The following TDRD7 variants were observed in gnomAD, a reference collection of about 807,000 sequenced individuals.
TDRD7 encodes tudor domain containing 7, also known as tudor domain-containing protein 7.
In TDRD7, 47 loss-of-function variants were observed where a neutral mutation model predicts 109.8. The observed-to-expected ratio is 0.43, with a 90% CI of 0.34 to 0.55. The LOEUF (loss-of-function observed/expected upper bound fraction) is 0.55, where lower values mean the gene tolerates loss of function less well. TDRD7 is among the 20% of genes least tolerant of loss of function. TDRD7 has a pLI of 0.03. For missense variants in TDRD7, 1,164 were observed against 1,319.2 expected, an observed-to-expected ratio of 0.88 and a Z score of 1.82; for synonymous variants, 424 against 457.3, an observed-to-expected ratio of 0.93 and a Z score of 0.93.
intron 15 of TDRD7, among the ~76,000 whole-genome samples, chr9:97,485,380 G>T (rs1829194860): frequency 6.6e-6 from 1 of 152,278 alleles, no homozygotes; most frequent in South Asian, 2.1e-4. Flanking sequence ...CTTCCCTTAA[G>T]CTATTAGTTT....
At chr9:97,472,161 T>C in intron 9 of TDRD7, 132 bp from the exon 10 acceptor site, 1 of 801,464 alleles carries the variant, frequency 1.2e-6, no homozygotes, top group Non-Finnish European at 2.0e-6. Context: ...AAAACAAAGC[T>C]TTCATATAAA....
intron 16 of TDRD7, among the ~76,000 whole-genome samples, chr9:97,488,350 T>C (rs1277670991): frequency 1.3e-5 from 2 of 152,228 alleles, no homozygotes; most frequent in African/African-American, 4.8e-5. Context: ...AAATTGTGTA[T>C]ATAGGTTCTT....
chr9:97,435,571 G>C (rs1466555885), intron 4 of TDRD7, among the ~76,000 whole-genome samples: 4 of 151,652 alleles, frequency 2.6e-5, no homozygotes, highest in Non-Finnish European at 4.4e-5. Flanking sequence ...GAGAGTTCCA[G>C]GGTACAGTGA....
In TDRD7 at chr9:97,464,443, C is replaced by T. The variant is rs553374423; in HGVS notation, c.1443-399C>T. Among the ~76,000 whole-genome samples the T allele has an allele frequency of 1.1e-4, 17 of 152,248 alleles. 1 individual carries two copies. The South Asian group carries it at 2.3e-3, about 20-fold the overall frequency. On this transcript the variant is annotated intron_variant, in intron 7 of 16. Transcript: ENST00000355295. ...TTGGCTCACTGCAACCTGCAACTTC[C>T]ACCTCCTGGGTTCAAGCGATTCTCC...
chr9:97,475,716 A>C (rs1829007176), intron 12 of TDRD7, among the ~76,000 whole-genome samples: 1 of 152,000 alleles, frequency 6.6e-6, no homozygotes, highest in African/African-American at 2.4e-5. Context: ...TTATATTCTT[A>C]CTGTATTTGT....
intron 16 of TDRD7, among the ~76,000 whole-genome samples, chr9:97,490,909 CTTT>C (rs1174656625): frequency 2.6e-5 from 2 of 77,648 alleles, no homozygotes; most frequent in Non-Finnish European, 4.7e-5. Flanking sequence ...CTTTTCTTTT[CTTT>C]TTTTTTTTTT....
chr9:97,450,146 C>T (rs1828465940), intron 6 of TDRD7, among the ~76,000 whole-genome samples: 1 of 151,646 alleles, frequency 6.6e-6, no homozygotes, highest in East Asian at 2.0e-4. Context: ...TTAATGTTAC[C>T]TGTCTCTCCT....
At chr9:97,476,369 G>T (rs192833177) in intron 12 of TDRD7, among the ~76,000 whole-genome samples, 1 of 151,784 alleles carries the variant, frequency 6.6e-6, no homozygotes, top group East Asian at 1.9e-4. Context: ...TTTATCTTGC[G>T]TTTCTATATG....
At position 97,488,558 on chromosome 9, in the gene TDRD7, T is replaced by TG. The variant is rs1180324200; in HGVS notation, c.3076+1228dup. 2.1e-4 allele frequency among the ~76,000 whole-genome samples: 10 copies of TG among 48,024 alleles called. 1 individual carries two copies. The East Asian group carries it at 8.9e-3, about 43-fold the overall frequency. 31.5% of individuals were successfully genotyped at this position (48,024 alleles called of 152,430 possible). Reference sequence around the variant, plus strand: ...TTCAGACCTTCTTCTTCAGATTTAATGGTTTTTTTTTTTTTTTTTTTGTTT... The same window carrying TG: ...TTCAGACCTTCTTCTTCAGATTTAATGGGTTTTTTTTTTTTTTTTTTTGTTT... On this transcript the variant is annotated intron_variant, in intron 16 of 16. Coordinates refer to ENST00000355295, the MANE Select transcript of TDRD7 (RefSeq NM_014290.3).
At chr9:97,450,906 CT>C (rs760367112) in intron 6 of TDRD7, among the ~76,000 whole-genome samples, 723 of 141,382 alleles carry the variant, frequency 5.1e-3, no homozygotes, top group East Asian at 0.012. Flanking sequence ...AGTTAGGTCT[CT>C]TTTTTTTTTT....
chr9:97,477,043 A>G (rs988288908), intron 12 of TDRD7, among the ~76,000 whole-genome samples: 15 of 152,230 alleles, frequency 9.9e-5, no homozygotes, highest in African/African-American at 2.7e-4. Context: ...TGAAAAGGTC[A>G]TGGCATTCTT....
At chr9:97,447,684 C>G (rs532858430) in intron 6 of TDRD7, among the ~76,000 whole-genome samples, 1 of 152,184 alleles carries the variant, frequency 6.6e-6, no homozygotes, top group Non-Finnish European at 1.5e-5. Flanking sequence ...CCCAGTCCCC[C>G]TACCCTCCCT....
chr9:97,458,376 C>G (rs1324521436), intron 6 of TDRD7, among the ~76,000 whole-genome samples: 3 of 152,126 alleles, frequency 2.0e-5, no homozygotes, highest in Admixed American at 2.0e-4. Context: ...AATCTGTATT[C>G]TTGTATCTTA....
intron 6 of TDRD7, among the ~76,000 whole-genome samples, chr9:97,451,197 C>T (rs1486981285): frequency 6.6e-6 from 1 of 152,078 alleles, no homozygotes; most frequent in Non-Finnish European, 1.5e-5. Flanking sequence ...ATGGAAGCTC[C>T]ACACTCCTTC....
chr9:97,427,927 C>G (rs1828029503), intron 1 of TDRD7, among the ~76,000 whole-genome samples: 1 of 152,112 alleles, frequency 6.6e-6, no homozygotes, highest in Admixed American at 6.6e-5. Context: ...TCCCTAAGGC[C>G]CCCGTTACTT....
rs147960925 is a variant in TDRD7 at position 97,417,846 on chromosome 9, G to A, written c.-7+5608G>A. Among the ~76,000 whole-genome samples the A allele has an allele frequency of 1.2e-3, 177 of 152,312 alleles. 3 individuals are homozygous for A. The East Asian group carries it at 0.031, about 26-fold the overall frequency. On this transcript the variant is annotated intron_variant, in intron 1 of 16. Coordinates refer to ENST00000355295, the MANE Select transcript of TDRD7 (RefSeq NM_014290.3). The stretch of plus-strand genomic sequence containing the variant: ...ATGTGCATTAAAAAGGGGGTGAAAG[G>A]CCAGGCACGGTGGCTCACACCTGTA...
In TDRD7 at chr9:97,472,329, A is replaced by C. The variant is rs770369971; in HGVS notation, c.1778A>C (p.Lys593Thr). 2 of 1,613,972 alleles carry C rather than the reference A, an allele frequency of 1.2e-6. No individual in the cohort carries two copies. The highest frequency in any genetic ancestry group is 1.7e-6 in the Non-Finnish European group (2 of 1,179,864). Residue 593 changes from lysine (K) to threonine (T), a missense_variant, in exon 10 of 17, where the codon AAG becomes ACG. Coordinates refer to ENST00000355295, the MANE Select transcript of TDRD7 (RefSeq NM_014290.3). ...CTAAGCGATGACCCTGATCTAGTGAAGGTGGTTGAATCTTTAACTTGTGGA... is the reference window on the plus strand; with the variant it reads ...CTAAGCGATGACCCTGATCTAGTGACGGTGGTTGAATCTTTAACTTGTGGA... ...EVLSDDPDLV[K>T]VVESLTCGKI...
At chr9:97,473,409 G>A in intron 10 of TDRD7, 83 bp from the exon 11 acceptor site, 1 of 1,568,692 alleles carries the variant, frequency 6.4e-7, no homozygotes, top group South Asian at 1.1e-5. Context: ...CTTGTTATGG[G>A]ATGTTTAGGT....
chr9:97,473,517 A>G lies in TDRD7; in HGVS notation c.1970A>G (p.Lys657Arg), dbSNP rs762811232. The change falls in exon 11 of 17, where the codon AAA becomes AGA. Residue 657 changes from lysine to arginine, a missense_variant. Physicochemically the swap from Lys to Arg is conservative, Grantham distance 26. Around this residue, in one of 5 missense-constraint regions of TDRD7, gnomAD observed 261 missense variants for 336.2 expected, o/e 0.78. Transcript: ENST00000355295. ...GTTGACGCCATGTACACAAATGTCA[A>G]AGTAACTAATATTTGCTCTGATGGG... ...LQVDAMYTNV[K>R]VTNICSDGTL... 1 of 1,613,694 alleles carries G rather than the reference A, an allele frequency of 6.2e-7. No homozygotes were observed. Among genetic ancestry groups the G allele is most frequent in the Non-Finnish European group, 8.5e-7 (1 of 1,179,698 alleles).
Sources: allele counts gnomAD v4.1 joint callset (sites outside exome capture counted in the v4.1 genomes callset), GRCh38; gene constraint gnomAD v4.1.1; regional missense constraint gnomAD v4.1.1; transcripts MANE v1.5; gene names NCBI Gene and HGNC (gene_info 2026-07-23, HGNC 2026-07-21).